The following ZFYVE28 variants were observed in gnomAD, a reference collection of about 807,000 sequenced individuals.
ZFYVE28 encodes zinc finger FYVE-type containing 28, also known as lateral signaling target protein 2 homolog.
In ZFYVE28, 40 loss-of-function variants were observed where a neutral mutation model predicts 82.1. That is an observed-to-expected ratio of 0.49 (90% CI 0.38 to 0.63). ZFYVE28 has a LOEUF of 0.63. Among genes scored for constraint, ZFYVE28 ranks in the 30% least tolerant of loss-of-function variants. The pLI, the probability that ZFYVE28 is intolerant of heterozygous loss-of-function variation, is 0.00. For synonymous variants in ZFYVE28, 612 were observed against 546.1 expected, an observed-to-expected ratio of 1.12 and a Z score of -1.68; for missense variants, 1,321 against 1,242.1, an observed-to-expected ratio of 1.06 and a Z score of -0.96.
chr4:2,274,280 G>C, intron 8 of ZFYVE28, 64 bp from the exon 9 acceptor site: 2 of 1,556,388 alleles, frequency 1.3e-6, no homozygotes, highest in Non-Finnish European at 1.7e-6. Context: ...GGAGCCCGAA[G>C]GTCACTGGTC....
chr4:2,291,060 G>A (rs1046925750), intron 8 of ZFYVE28, among the ~76,000 whole-genome samples: 4 of 152,214 alleles, frequency 2.6e-5, no homozygotes, highest in African/African-American at 7.2e-5. Context: ...CCCGGCACAC[G>A]AGCGGGAGGA....
At chr4:2,302,321 C>G (rs549244639) in intron 8 of ZFYVE28, among the ~76,000 whole-genome samples, 1 of 152,306 alleles carries the variant, frequency 6.6e-6, no homozygotes, top group South Asian at 2.1e-4. Context: ...GGGAACCACA[C>G]AAATATAAAG....
At chr4:2,281,028 G>A (rs1336165638) in intron 8 of ZFYVE28, among the ~76,000 whole-genome samples, 1 of 152,220 alleles carries the variant, frequency 6.6e-6, no homozygotes, top group African/African-American at 2.4e-5. Context: ...AGGTCAGATC[G>A]CTGATGGCCA....
chr4:2,341,463 G>C lies in ZFYVE28; in HGVS notation c.318+15C>G. ...CCCACATCAGGACCTCCGAACCCGG[G>C]TGGCCACCCGCTACCTCGGCACCGA... On this transcript the variant is annotated intron_variant, in intron 3 of 12. Coordinates refer to ENST00000290974, the MANE Select transcript of ZFYVE28 (RefSeq NM_020972.3). The surrounding 1 kb of genome is among the most constrained non-coding windows in gnomAD (Gnocchi z 4.5). 1.2e-6 allele frequency: 2 copies of C among 1,612,188 alleles called. No individual in the cohort carries two copies. Among genetic ancestry groups the C allele is most frequent in the South Asian group, 2.2e-5 (2 of 90,984 alleles).
At position 2,387,450 on chromosome 4, in the gene ZFYVE28, C is replaced by T. The variant is rs753235408; in HGVS notation, c.39+30835G>A. 2.6e-5 allele frequency among the ~76,000 whole-genome samples: 4 copies of T among 152,252 alleles called. No homozygotes were observed. The East Asian group carries it at 5.8e-4, about 22-fold the overall frequency. On this transcript the variant is annotated intron_variant, in intron 1 of 12. Coordinates refer to ENST00000290974, the MANE Select transcript of ZFYVE28 (RefSeq NM_020972.3). Reference sequence around the variant, plus strand: ...CAGGCGAACGTGACGTCCTTGTCCTCGTGCTGTGCCTGGGGGTAATCTGCC... The same window carrying T: ...CAGGCGAACGTGACGTCCTTGTCCTTGTGCTGTGCCTGGGGGTAATCTGCC...
chr4:2,316,309 C>T (rs1472729017), intron 7 of ZFYVE28: 1 of 152,234 alleles, frequency 6.6e-6, no homozygotes, highest in Admixed American at 6.5e-5. Context: ...TACTCCATTT[C>T]TGACCTGGGC....
intron 1 of ZFYVE28, among the ~76,000 whole-genome samples, chr4:2,404,864 T>TTC (rs1731678851): frequency 2.1e-5 from 3 of 145,642 alleles, no homozygotes; most frequent in Admixed American, 6.7e-5. Flanking sequence ...GCTCTTTTTT[T>TTC]TTTTTTTTTT....
rs756316480 is a variant in ZFYVE28 at position 2,409,779 on chromosome 4, C to T, written c.39+8506G>A. Among the ~76,000 whole-genome samples, 3 of 152,236 alleles carry T rather than the reference C, an allele frequency of 2.0e-5. No homozygotes were observed. Among genetic ancestry groups the T allele is most frequent in the East Asian group, 1.9e-4 (1 of 5,194 alleles). On this transcript the variant is annotated intron_variant, in intron 1 of 12. Coordinates refer to ENST00000290974, the MANE Select transcript of ZFYVE28 (RefSeq NM_020972.3). The surrounding 1 kb of genome is among the most constrained non-coding windows in gnomAD (Gnocchi z 4.4). ...CAGAACTACCCAACCACGATCAATC[C>T]CAGACACAGAACTCCTTCACGCTGT...
intron 1 of ZFYVE28, among the ~76,000 whole-genome samples, chr4:2,380,792 T>G (rs1728652538): frequency 6.6e-6 from 1 of 152,206 alleles, no homozygotes; most frequent in Non-Finnish European, 1.5e-5. Flanking sequence ...CACTGCCATG[T>G]AAGAAGTGCC....
chr4:2,305,623 C>G, intron 7 of ZFYVE28, 87 bp from the exon 8 acceptor site: 2 of 1,502,346 alleles, frequency 1.3e-6, no homozygotes, highest in Non-Finnish European at 1.8e-6. Flanking sequence ...ACCCTGGAGT[C>G]TGCACCAGCA....
intron 8 of ZFYVE28, among the ~76,000 whole-genome samples, chr4:2,276,534 C>T (rs1338794212): frequency 1.3e-5 from 2 of 152,130 alleles, no homozygotes; most frequent in Non-Finnish European, 2.9e-5. Flanking sequence ...ACGTTCATAG[C>T]GGCCAAGAGA....
At chr4:2,347,811 A>C (rs1321182908) in intron 2 of ZFYVE28, among the ~76,000 whole-genome samples, 1 of 152,154 alleles carries the variant, frequency 6.6e-6, no homozygotes, top group East Asian at 1.9e-4. Flanking sequence ...CTAAATTAGA[A>C]AAGAAGAAAG....
Position 2,394,081 on chromosome 4 carries a change from G to A in ZFYVE28, c.39+24204C>T, listed in dbSNP as rs550677943. 2.0e-5 allele frequency among the ~76,000 whole-genome samples: 3 copies of A among 152,232 alleles called. No individual in the cohort carries two copies. The highest frequency in any genetic ancestry group is 4.8e-5 in the African/African-American group (2 of 41,526). Reference sequence around the variant, plus strand: ...CGCCTCCCGGACCTTCAGAGCCAGCGGCATTGCACGTCTACAGCCTTCTTC... The same window carrying A: ...CGCCTCCCGGACCTTCAGAGCCAGCAGCATTGCACGTCTACAGCCTTCTTC... On this transcript the variant is annotated intron_variant, in intron 1 of 12. Transcript: ENST00000290974. This position sits in a 1 kb window ranked among gnomAD's most constrained non-coding sequence, Gnocchi z 4.0.
At chr4:2,302,899 C>T (rs139682935) in intron 8 of ZFYVE28, among the ~76,000 whole-genome samples, 20 of 152,344 alleles carry the variant, frequency 1.3e-4, no homozygotes, top group South Asian at 1.2e-3. Flanking sequence ...CTTAACCCAT[C>T]GTATCCTAAG....
chr4:2,283,497 T>A (rs1455870577), intron 8 of ZFYVE28, among the ~76,000 whole-genome samples: 2 of 132,742 alleles, frequency 1.5e-5, no homozygotes, highest in Non-Finnish European at 3.2e-5. Context: ...TCATTTGCCA[T>A]CCATCCATCC....
chr4:2,342,924 C>T (rs906804486), intron 2 of ZFYVE28: 4 of 152,164 alleles, frequency 2.6e-5, no homozygotes, highest in African/African-American at 4.8e-5. Flanking sequence ...TCTCATCTTC[C>T]GAGGGCCTGT....
In ZFYVE28 at chr4:2,394,629, C is replaced by G. The variant is rs1435046704; in HGVS notation, c.39+23656G>C. On this transcript the variant is annotated intron_variant, in intron 1 of 12. Transcript: ENST00000290974. This position sits in a 1 kb window ranked among gnomAD's most constrained non-coding sequence, Gnocchi z 4.0. The stretch of plus-strand genomic sequence containing the variant: ...CGCCTCCTTTCTAACAAGGCACATG[C>G]TTCCAGCTGCTCGGGCTGCTCGGTC... Among the ~76,000 whole-genome samples the G allele has an allele frequency of 1.3e-5, 2 of 152,264 alleles. No individual in the cohort carries two copies. The highest frequency in any genetic ancestry group is 2.4e-5 in the African/African-American group (1 of 41,472).
chr4:2,286,341 C>G (rs1712736522), intron 8 of ZFYVE28: 1 of 152,456 alleles, frequency 6.6e-6, no homozygotes, highest in Non-Finnish European at 1.5e-5. Context: ...GCCCCGAGGC[C>G]TGCCCTTTGC....
intron 1 of ZFYVE28, among the ~76,000 whole-genome samples, chr4:2,354,420 G>A (rs1447741721): frequency 2.0e-5 from 3 of 151,872 alleles, no homozygotes; most frequent in East Asian, 1.9e-4. Flanking sequence ...TGGGGTCCCC[G>A]GCGCTCCAGG....
Sources: allele counts gnomAD v4.1 joint callset (sites outside exome capture counted in the v4.1 genomes callset), GRCh38; gene constraint gnomAD v4.1.1; non-coding constraint Gnocchi (gnomAD v3.1); transcripts MANE v1.5; gene names NCBI Gene and HGNC (gene_info 2026-07-23, HGNC 2026-07-21).